MRPL3: variants seen among roughly 807,000 people sequenced by gnomAD.
The protein encoded by MRPL3 is large ribosomal subunit protein uL3m.
A neutral mutation model predicts 44.3 loss-of-function variants in MRPL3; 43 were observed. The ratio of observed to expected loss-of-function variants is 0.97; its 90% CI spans 0.76 to 1.25. The LOEUF (loss-of-function observed/expected upper bound fraction) is 1.25. Among genes scored for constraint, MRPL3 ranks in the 50% most tolerant of loss-of-function variants. The pLI, the probability that MRPL3 is intolerant of heterozygous loss-of-function variation, is 0.00. For synonymous variants in MRPL3, 171 were observed against 152.3 expected (o/e 1.12, Z -0.91); for missense variants, 406 against 427.6 (o/e 0.95, Z 0.45).
At chr3:131,499,327 CGTTA>C (rs1385438054) in intron 3 of MRPL3, among the ~76,000 whole-genome samples, 1 of 152,040 alleles carries the variant, frequency 6.6e-6, no homozygotes, top group Non-Finnish European at 1.5e-5. Context: ...AGTTTGTTGG[CGTTA>C]AGTGTGATGC....
chr3:131,476,934 A>G (rs1933866146), intron 6 of MRPL3, among the ~76,000 whole-genome samples: 1 of 152,178 alleles, frequency 6.6e-6, no homozygotes, highest in South Asian at 2.1e-4. Context: ...CATGCCTTTT[A>G]GTTTGAAAAG....
chr3:131,501,653 T>A lies in MRPL3; in HGVS notation c.155A>T (p.His52Leu). Residue 52 changes from histidine to leucine, a missense_variant, in exon 2 of 10, where the codon CAT becomes CTT. Transcript: ENST00000264995. ...GAATGGGACATTTTCTTCAGAAAGA[T>A]GCTCATCCCACCATGTACCACTCTT... ...HGKSGTWWDE[H>L]LSEENVPFIK... The A allele has an allele frequency of 1.9e-6, 3 of 1,613,770 alleles. No homozygotes were observed. The highest frequency in any genetic ancestry group is 2.5e-6 in the Non-Finnish European group (3 of 1,179,982).
rs1200628953 is a variant in MRPL3, at chr3:131,501,631, T to A, written c.177A>T (p.Pro59=). Residue 59 remains proline, a synonymous_variant, in exon 2 of 10, where the codon CCA becomes CCT. Transcript: ENST00000264995. ...CATCAGAGACCAACTGCTTAATGAATGGGACATTTTCTTCAGAAAGATGCT... is the reference window on the plus strand; with the variant it reads ...CATCAGAGACCAACTGCTTAATGAAAGGGACATTTTCTTCAGAAAGATGCT... ...WDEHLSEENV[P]FIKQLVSDED... is the part of the protein sequence containing the mutation. The A allele has an allele frequency of 1.2e-6, 2 of 1,613,172 alleles. No individual in the cohort carries two copies. Among genetic ancestry groups the A allele is most frequent in the Non-Finnish European group, 1.7e-6 (2 of 1,179,976 alleles).
chr3:131,482,029 G>A (rs1933998976), intron 6 of MRPL3, among the ~76,000 whole-genome samples: 1 of 152,120 alleles, frequency 6.6e-6, no homozygotes, highest in African/African-American at 2.4e-5. Context: ...CAGTGTACTG[G>A]GCTAGGTATA....
chr3:131,502,884 G>T lies in MRPL3; in HGVS notation c.-63C>A, dbSNP rs1369765277. 6.8e-7 allele frequency: 1 copy of T among 1,472,240 alleles called. No individual in the cohort carries two copies. The highest frequency in any genetic ancestry group is 1.8e-5 in the Admixed American group (1 of 56,114). 91.2% of individuals were successfully genotyped at this position (1,472,240 alleles called of 1,614,324 possible). A position where few individuals can be genotyped will look rare whatever the true frequency, so the allele number is the denominator to read the frequency against. On this transcript the variant is annotated 5_prime_UTR_variant, in exon 1 of 10. Transcript: ENST00000264995. ...CGCCCTGCCGCTCTGCTTTCAGGGA[G>T]TCCCCACGCCACCGCCACGTGGACG...
At chr3:131,466,800 A>T (rs1312012319) in intron 9 of MRPL3, among the ~76,000 whole-genome samples, 3 of 152,108 alleles carry the variant, frequency 2.0e-5, no homozygotes, top group African/African-American at 7.2e-5. Flanking sequence ...AATCAGGATA[A>T]CTAGCATATC....
intron 7 of MRPL3, 98 bp downstream of exon 7, chr3:131,471,073 A>T: frequency 1.2e-6 from 1 of 823,028 alleles, no homozygotes. Context: ...CTTGTGTCAG[A>T]CTAAAATTAT....
intron 4 of MRPL3, among the ~76,000 whole-genome samples, chr3:131,495,920 T>C (rs549722976): frequency 1.3e-5 from 2 of 152,284 alleles, no homozygotes; most frequent in South Asian, 4.1e-4. Flanking sequence ...AGAAAATAGA[T>C]GTTCAAAAGG....
At chr3:131,463,084 C>T (rs1197323248) in intron 9 of MRPL3, among the ~76,000 whole-genome samples, 2 of 152,112 alleles carry the variant, frequency 1.3e-5, no homozygotes, top group South Asian at 2.1e-4. Context: ...ACTCAAGAAG[C>T]TATAAGGATA....
intron 6 of MRPL3, among the ~76,000 whole-genome samples, chr3:131,474,158 A>G (rs1442537448): frequency 6.6e-6 from 1 of 152,232 alleles, no homozygotes; most frequent in East Asian, 1.9e-4. Context: ...TAAGTGTCCA[A>G]TAACAGACAA....
intron 6 of MRPL3, 52 bp from the exon 7 acceptor site, chr3:131,471,331 C>T: frequency 8.2e-7 from 1 of 1,214,586 alleles, no homozygotes; most frequent in Non-Finnish European, 1.2e-6. Context: ...ATAGACCATT[C>T]CCAATTGTAC....
At position 131,502,743 on chromosome 3, in the gene MRPL3, C is replaced by G; in HGVS notation, c.79G>C (p.Gly27Arg). ...ACACCTTCCTACCTGTTCCCCGGGC[C>G]CAGGGCAGCACCCAGGCCGTCCCCG... is the stretch of plus-strand genomic sequence containing the variant. ...RLGDGLGAALGPGNRTHIWLF... is the reference protein window; with the variant it reads ...RLGDGLGAALRPGNRTHIWLF... Residue 27 changes from glycine (G) to arginine (R), a missense_variant, in exon 1 of 10, where the codon GGC (glycine) becomes CGC (arginine). Physicochemically the swap from Gly to Arg is moderately radical, Grantham distance 125. Coordinates refer to ENST00000264995, the MANE Select transcript of MRPL3 (RefSeq NM_007208.4). 2 of 1,610,836 alleles carry G rather than the reference C, an allele frequency of 1.2e-6. No individual in the cohort carries two copies. Among genetic ancestry groups the G allele is most frequent in the Non-Finnish European group, 1.7e-6 (2 of 1,178,134 alleles).
At chr3:131,466,495 C>T (rs575828668) in intron 9 of MRPL3, among the ~76,000 whole-genome samples, 3 of 151,820 alleles carry the variant, frequency 2.0e-5, no homozygotes, top group Admixed American at 6.6e-5. Context: ...TCTGAGCTAT[C>T]GGTACAAATT....
rs867041242 is a variant in MRPL3 at position 131,500,577 on chromosome 3, T to C, written c.278-56A>G. On this transcript the variant is annotated intron_variant, in intron 2 of 9. Coordinates refer to ENST00000264995, the MANE Select transcript of MRPL3 (RefSeq NM_007208.4). ...AAAGCTTTTGCAACATTCACCAACA[T>C]TATGAAATCGTTTTTCCTAAAATCA... The C allele has an allele frequency of 6.9e-6, 10 of 1,439,226 alleles. No individual in the cohort carries two copies. The Middle Eastern group carries it at 8.8e-4, about 126-fold the overall frequency. 89.2% of individuals were successfully genotyped at this position (1,439,226 alleles called of 1,614,324 possible). A position where few individuals can be genotyped will look rare whatever the true frequency, so the allele number is the denominator to read the frequency against.
intron 6 of MRPL3, among the ~76,000 whole-genome samples, chr3:131,483,174 C>A (rs1455737858): frequency 6.6e-6 from 1 of 151,982 alleles, no homozygotes; most frequent in Non-Finnish European, 1.5e-5. Flanking sequence ...GACTCTAAAC[C>A]ATCATCTATT....
intron 4 of MRPL3, among the ~76,000 whole-genome samples, chr3:131,495,719 C>T (rs1245183287): frequency 6.6e-6 from 1 of 152,066 alleles, no homozygotes; most frequent in Non-Finnish European, 1.5e-5. Flanking sequence ...ATTAGTATTA[C>T]TTTCATAAAA....
intron 5 of MRPL3, among the ~76,000 whole-genome samples, chr3:131,489,028 T>C (rs1478380964): frequency 1.3e-5 from 2 of 152,106 alleles, no homozygotes; most frequent in African/African-American, 2.4e-5. Flanking sequence ...CAAAAGTTAA[T>C]GTGGCTTAAT....
At chr3:131,481,052 C>G (rs1187887271) in intron 6 of MRPL3, among the ~76,000 whole-genome samples, 1 of 152,150 alleles carries the variant, frequency 6.6e-6, no homozygotes, top group Admixed American at 6.5e-5. Flanking sequence ...TCTCAAGAAA[C>G]AGATTAGAAG....
At chr3:131,490,702 A>G (rs1454794390) in intron 4 of MRPL3, among the ~76,000 whole-genome samples, 1 of 152,226 alleles carries the variant, frequency 6.6e-6, no homozygotes, top group Non-Finnish European at 1.5e-5. Flanking sequence ...TGTCTATACC[A>G]GCACTAATAT....
Sources: gnomAD v4.1 joint callset for allele counts (sites outside exome capture counted in the v4.1 genomes callset) on GRCh38, gnomAD v4.1.1 for gene constraint, MANE v1.5 for transcripts, NCBI Gene and HGNC (gene_info 2026-07-23, HGNC 2026-07-21) for gene names.